Variants in ANTXR1 observed in about 807,000 individuals in gnomAD.
ANTXR1 encodes anthrax toxin receptor 1.
In ANTXR1, 19 loss-of-function variants were observed where a neutral mutation model predicts 78.1. That is an observed-to-expected ratio of 0.24 (90% CI 0.17 to 0.36). ANTXR1 has a LOEUF of 0.36. Among genes scored for constraint, ANTXR1 ranks in the 10% least tolerant of loss-of-function variants. The probability of loss-of-function intolerance (pLI) is 1.00; values close to 1 mark genes in which losing one functional copy is unlikely to be tolerated. For synonymous variants in ANTXR1, 273 were observed against 260.5 expected (o/e 1.05, Z -0.46); for missense variants, 518 against 718.6 (o/e 0.72, Z 3.19).
intron 7 of ANTXR1, chr2:69,077,178 T>C (rs1670758846): frequency 1.7e-6 from 1 of 587,854 alleles, no homozygotes; most frequent in East Asian, 2.9e-5. Flanking sequence ...AGAAAAGTAT[T>C]GAAACAAATG....
intron 10 of ANTXR1, 149 bp downstream of exon 10, chr2:69,103,089 C>A: frequency 1.2e-6 from 1 of 845,466 alleles, no homozygotes; most frequent in Non-Finnish European, 2.0e-6. Flanking sequence ...GCATAGTGAG[C>A]CCTTACAGTG....
chr2:69,023,642 A>C (rs1671262632), intron 1 of ANTXR1, among the ~76,000 whole-genome samples: 1 of 152,160 alleles, frequency 6.6e-6, no homozygotes, highest in Non-Finnish European at 1.5e-5. Context: ...TGGCTAGGAT[A>C]AGGAATATAT....
intron 13 of ANTXR1, among the ~76,000 whole-genome samples, chr2:69,159,082 T>C (rs546324336): frequency 3.9e-5 from 6 of 152,350 alleles, no homozygotes; most frequent in Admixed American, 2.0e-4. Flanking sequence ...AGTGGTTGTG[T>C]CATGGGGGTT....
At chr2:69,125,971 A>C (rs1672521670) in intron 12 of ANTXR1, among the ~76,000 whole-genome samples, 1 of 152,194 alleles carries the variant, frequency 6.6e-6, no homozygotes. Flanking sequence ...GTTTGGCCTG[A>C]TGGTCAGCTT....
chr2:69,174,857 A>G (rs988200337), intron 14 of ANTXR1, among the ~76,000 whole-genome samples: 1 of 152,258 alleles, frequency 6.6e-6, no homozygotes, highest in African/African-American at 2.4e-5. Context: ...ATCATTCAGC[A>G]GCCCTGAAAC....
chr2:69,091,438 A>G (rs1303894178), intron 9 of ANTXR1, among the ~76,000 whole-genome samples: 1 of 94,992 alleles, frequency 1.1e-5, no homozygotes, highest in Non-Finnish European at 2.1e-5. Context: ...AGAGCAAGAC[A>G]CCATCTCAAA....
At chr2:69,017,890 C>T (rs1483844619) in intron 1 of ANTXR1, among the ~76,000 whole-genome samples, 2 of 152,160 alleles carry the variant, frequency 1.3e-5, no homozygotes, top group African/African-American at 4.8e-5. Flanking sequence ...ACTACCTTCC[C>T]TCTCTCACAG....
chr2:69,105,145 G>A (rs570584635), intron 10 of ANTXR1, among the ~76,000 whole-genome samples: 32 of 152,292 alleles, frequency 2.1e-4, no homozygotes, highest in African/African-American at 6.5e-4. Context: ...GTGAGTACTC[G>A]AAGGCCTATT....
intron 8 of ANTXR1, among the ~76,000 whole-genome samples, chr2:69,089,098 C>T (rs960645515): frequency 1.1e-4 from 17 of 152,134 alleles, no homozygotes; most frequent in Admixed American, 8.5e-4. Context: ...CTTCCAACTG[C>T]GGAGTCAGAA....
At chr2:69,158,668 A>G (rs905612598) in intron 13 of ANTXR1, among the ~76,000 whole-genome samples, 2 of 152,218 alleles carry the variant, frequency 1.3e-5, no homozygotes, top group Non-Finnish European at 2.9e-5. Context: ...TATTCAATAA[A>G]TTACATGAGA....
At chr2:69,184,098 C>T (rs1674360704) in intron 16 of ANTXR1, among the ~76,000 whole-genome samples, 1 of 151,972 alleles carries the variant, frequency 6.6e-6, no homozygotes, top group Non-Finnish European at 1.5e-5. Flanking sequence ...TACCCCCCTT[C>T]CAATAGCAAC....
At chr2:69,069,227 C>T (rs1320121600) in intron 3 of ANTXR1, among the ~76,000 whole-genome samples, 4 of 152,002 alleles carry the variant, frequency 2.6e-5, no homozygotes, top group Non-Finnish European at 4.4e-5. Context: ...CCAAGCAATG[C>T]CAGGATAAAT....
At chr2:69,178,552 CGGCAAGAGGGAGGGGCCAGG>C (rs373303404) in intron 14 of ANTXR1, among the ~76,000 whole-genome samples, 7,424 of 151,374 alleles carry the variant, frequency 0.049, 575 homozygotes, top group African/African-American at 0.17. Flanking sequence ...GAGGGGCCAG[CGGCAAGAGGGAGGGGCCAGG>C]GGCAAGAGGG....
intron 10 of ANTXR1, among the ~76,000 whole-genome samples, chr2:69,122,404 G>A (rs1056955044): frequency 6.6e-6 from 1 of 152,038 alleles, no homozygotes; most frequent in Non-Finnish European, 1.5e-5. Flanking sequence ...CCTTAGACGT[G>A]GAACTCCTTA....
intron 17 of ANTXR1, among the ~76,000 whole-genome samples, chr2:69,216,476 CATAT>C (rs1007945146): frequency 2.0e-5 from 3 of 152,168 alleles, no homozygotes; most frequent in African/African-American, 4.8e-5. Flanking sequence ...CATGCATGCA[CATAT>C]ATACACACAT....
At chr2:69,056,178 G>A (rs927940944) in intron 3 of ANTXR1, among the ~76,000 whole-genome samples, 25 of 152,114 alleles carry the variant, frequency 1.6e-4, no homozygotes, top group Non-Finnish European at 7.4e-5. Flanking sequence ...CAGAACCAAA[G>A]AACAGTAGCA....
At chr2:69,039,058 G>A (rs1304611358) in intron 1 of ANTXR1, among the ~76,000 whole-genome samples, 1 of 152,160 alleles carries the variant, frequency 6.6e-6, no homozygotes, top group Non-Finnish European at 1.5e-5. Flanking sequence ...AGTGGAAAAT[G>A]TTTGCAATAC....
At chr2:69,019,318 C>A (rs1028730906) in intron 1 of ANTXR1, among the ~76,000 whole-genome samples, 47 of 152,200 alleles carry the variant, frequency 3.1e-4, no homozygotes, top group African/African-American at 1.1e-3. Flanking sequence ...AGTATTTGAT[C>A]ATTTTGGTTA....
intron 1 of ANTXR1, among the ~76,000 whole-genome samples, chr2:69,016,303 T>G (rs1573768196): frequency 6.6e-6 from 1 of 152,188 alleles, no homozygotes. Flanking sequence ...TACCGGATAG[T>G]GCAGACAAGA....
Sources: allele counts gnomAD v4.1 joint callset (sites outside exome capture counted in the v4.1 genomes callset), GRCh38; gene constraint gnomAD v4.1.1; transcripts MANE v1.5; gene names NCBI Gene and HGNC (gene_info 2026-07-23, HGNC 2026-07-21).